DST: variants seen among roughly 807,000 people sequenced by gnomAD.
The protein encoded by DST is bullous pemphigoid antigen.
DST carries 253 observed loss-of-function variants against 875.2 expected under a neutral mutation model. The observed-to-expected ratio is 0.29, with a 90% CI of 0.26 to 0.32. The LOEUF (loss-of-function observed/expected upper bound fraction) is 0.32, where lower values mean the gene tolerates loss of function less well. DST is among the 10% of genes least tolerant of loss of function. The pLI, the probability that DST is intolerant of heterozygous loss-of-function variation, is 1.00. For synonymous variants in DST, 3,124 were observed against 3,197.1 expected (o/e 0.98, Z 0.77); for missense variants, 8,287 against 9,111.6 (o/e 0.91, Z 3.68).
At chr6:56,624,793 T>A (rs2098719294) in intron 35 of DST, among the ~76,000 whole-genome samples, 165 bp from the exon 36 acceptor site, 1 of 152,108 alleles carries the variant, frequency 6.6e-6, no homozygotes, top group Admixed American at 6.5e-5. Context: ...ATTATGCAAA[T>A]CATGGCAAAT....
rs533543662 is a variant in DST, at chr6:56,841,475, T to C, written c.625+9922A>G. 2.0e-5 allele frequency among the ~76,000 whole-genome samples: 3 copies of C among 152,352 alleles called. No individual in the cohort carries two copies. In the East Asian group the frequency reaches 5.8e-4, roughly 29 times the overall value. ...TTGTTGTACACTGGCCTTCAGATCT[T>C]TAATTTCCTTTTATTTCCAAAGGCA... On this transcript the variant is annotated intron_variant, in intron 4 of 103. Coordinates refer to ENST00000680361, the MANE Select transcript of DST (RefSeq NM_001374736.1).
At chr6:56,470,715 C>G (rs2094842427) in intron 95 of DST, among the ~76,000 whole-genome samples, 1 of 147,628 alleles carries the variant, frequency 6.8e-6, no homozygotes, top group South Asian at 2.2e-4. Flanking sequence ...AAAGTTAGAT[C>G]AGAATGTGAA....
At chr6:56,629,063 T>C (rs780703272) in intron 32 of DST, among the ~76,000 whole-genome samples, 187 bp downstream of exon 32, 8 of 152,114 alleles carry the variant, frequency 5.3e-5, no homozygotes, top group Non-Finnish European at 1.2e-4. Context: ...GTTGAAAAAA[T>C]GCTTATTTTA....
chr6:56,629,168 A>T, intron 32 of DST, 82 bp downstream of exon 32: 1 of 1,348,104 alleles, frequency 7.4e-7, no homozygotes, highest in Non-Finnish European at 1.1e-6. Context: ...GTAAAAAAAT[A>T]GCCTCATATG....
intron 3 of DST, among the ~76,000 whole-genome samples, chr6:56,885,041 T>C (rs935846275): frequency 1.3e-5 from 2 of 149,808 alleles, no homozygotes; most frequent in Admixed American, 6.6e-5. Flanking sequence ...ATATTTTCTG[T>C]TTCAGGTCTG....
intron 9 of DST, among the ~76,000 whole-genome samples, chr6:56,690,468 C>T (rs1030790692): frequency 1.1e-4 from 17 of 152,138 alleles, no homozygotes; most frequent in African/African-American, 4.1e-4. Flanking sequence ...GTCAGCATGT[C>T]ATTGCAACGA....
At chr6:56,718,922 G>A (rs773668185) in intron 5 of DST, among the ~76,000 whole-genome samples, 4 of 152,144 alleles carry the variant, frequency 2.6e-5, no homozygotes, top group Non-Finnish European at 5.9e-5. Context: ...CAGGACAAAT[G>A]GGTACAAGGT....
At chr6:56,715,189 G>A (rs2099390642) in intron 5 of DST, among the ~76,000 whole-genome samples, 1 of 152,168 alleles carries the variant, frequency 6.6e-6, no homozygotes, top group South Asian at 2.1e-4. Flanking sequence ...CTCAGGAAAT[G>A]GATTCACAAA....
At chr6:56,557,599 T>C in intron 58 of DST, 81 bp from the exon 59 acceptor site, 4 of 1,068,590 alleles carry the variant, frequency 3.7e-6, no homozygotes, top group African/African-American at 1.6e-5. Context: ...TATGGTATGA[T>C]TTAAAATGAT....
chr6:56,469,329 C>T (rs2094760554), intron 97 of DST, among the ~76,000 whole-genome samples: 2 of 150,568 alleles, frequency 1.3e-5, no homozygotes, highest in African/African-American at 4.9e-5. Flanking sequence ...TATCTAGCTA[C>T]TACATATAAG....
At chr6:56,679,187 T>C (rs1348680426) in intron 9 of DST, among the ~76,000 whole-genome samples, 1 of 152,184 alleles carries the variant, frequency 6.6e-6, no homozygotes, top group Non-Finnish European at 1.5e-5. Context: ...ATTTATCATT[T>C]CCACCACTTC....
intron 4 of DST, among the ~76,000 whole-genome samples, chr6:56,787,849 G>C: frequency 6.6e-6 from 1 of 152,004 alleles, no homozygotes; most frequent in Non-Finnish European, 1.5e-5. Flanking sequence ...TTCAAAATCA[G>C]ACTTTGAGGC....
rs914585872 is a variant in DST at position 56,617,943 on chromosome 6, T to G, written c.4930-3459A>C. On this transcript the variant is annotated intron_variant, in intron 36 of 103. Coordinates refer to ENST00000680361, the MANE Select transcript of DST (RefSeq NM_001374736.1). Reference sequence around the variant, plus strand: ...AGAGAAAGGAAACAAATGAGGAAACTTGACATTAGGTAGCTGATAAGGTCT... The same window carrying G: ...AGAGAAAGGAAACAAATGAGGAAACGTGACATTAGGTAGCTGATAAGGTCT... The G allele has an allele frequency of 6.5e-6, 10 of 1,542,804 alleles. No individual in the cohort carries two copies. The Admixed American group carries it at 8.3e-5, about 13-fold the overall frequency.
chr6:56,496,324 C>T (rs1349790137), intron 82 of DST, among the ~76,000 whole-genome samples: 1 of 152,070 alleles, frequency 6.6e-6, no homozygotes, highest in Non-Finnish European at 1.5e-5. Flanking sequence ...TTCTTAGGAG[C>T]CAACTGTGTC....
intron 10 of DST, among the ~76,000 whole-genome samples, chr6:56,662,751 C>T (rs565577986): frequency 6.6e-6 from 1 of 152,190 alleles, no homozygotes; most frequent in Non-Finnish European, 1.5e-5. Context: ...AACAGCCCAA[C>T]CAAAATGGTG....
At chr6:56,713,796 G>A (rs114277663) in intron 5 of DST, among the ~76,000 whole-genome samples, 1,838 of 152,206 alleles carry the variant, frequency 0.012, 31 homozygotes, top group African/African-American at 0.041. Flanking sequence ...AAATCTAGGG[G>A]TCTCTTCATA....
In DST at chr6:56,529,679, T is replaced by G. The variant is rs776072845; in HGVS notation, c.17364A>C (p.Lys5788Asn). The G allele has an allele frequency of 6.2e-7, 1 of 1,613,586 alleles. No individual in the cohort carries two copies. Among genetic ancestry groups the G allele is most frequent in the African/African-American group, 1.3e-5 (1 of 74,904 alleles). ...AGTCTAATTTACTCTGCACCATATC[T>G]TTATCCTCCCTGGAGCTCAAAACCT... ...SLKVLSSRED[K>N]DMVQSKLDFS... Residue 5788 changes from lysine (K) to asparagine (N), a missense_variant, in exon 66 of 104, where the codon AAA becomes AAC. Lys to Asn is a moderately conservative substitution (Grantham distance 94). This residue lies in a region of DST where 777 missense variants were observed against 764.8 expected (regional missense o/e 1.02). Coordinates refer to ENST00000680361, the MANE Select transcript of DST (RefSeq NM_001374736.1).
At chr6:56,656,848 A>C (rs1206471848) in intron 10 of DST, among the ~76,000 whole-genome samples, 1 of 152,214 alleles carries the variant, frequency 6.6e-6, no homozygotes, top group African/African-American at 2.4e-5. Flanking sequence ...GAAACACAAT[A>C]ATGTATATGT....
At chr6:56,708,151 T>A (rs999012533) in intron 5 of DST, among the ~76,000 whole-genome samples, 3 of 152,214 alleles carry the variant, frequency 2.0e-5, no homozygotes, top group Non-Finnish European at 4.4e-5. Context: ...GTCCTGCTTC[T>A]GCCCTTGGCC....
Sources: gnomAD v4.1 joint callset for allele counts (sites outside exome capture counted in the v4.1 genomes callset) on GRCh38, gnomAD v4.1.1 for gene constraint, gnomAD v4.1.1 regional missense constraint, MANE v1.5 for transcripts, NCBI Gene and HGNC (gene_info 2026-07-23, HGNC 2026-07-21) for gene names.